The following ATXN7L3B variants were observed in gnomAD, a reference collection of about 807,000 sequenced individuals.
The protein encoded by ATXN7L3B is ataxin-7-like protein 3B.
A neutral mutation model predicts 6.3 loss-of-function variants in ATXN7L3B; 4 were observed. The ratio of observed to expected loss-of-function variants is 0.63; its 90% CI spans 0.31 to 1.45. The LOEUF is 1.45. ATXN7L3B is among the 40% of genes most tolerant of loss of function. The pLI, the probability that ATXN7L3B is intolerant of heterozygous loss-of-function variation, is 0.07. For synonymous variants in ATXN7L3B, 63 were observed against 48.0 expected, an observed-to-expected ratio of 1.31 and a Z score of -1.29; for missense variants, 120 against 118.5, an observed-to-expected ratio of 1.01 and a Z score of -0.06.
chr12:74,539,089 C>G lies in ATXN7L3B; in HGVS notation c.*683C>G, dbSNP rs995509786. 6.0e-6 allele frequency: 1 copy of G among 167,248 alleles called. No homozygotes were observed. The highest frequency in any genetic ancestry group is 2.4e-5 in the African/African-American group (1 of 41,442). The allele number at this position is 167,248 out of a possible 1,614,324, so 10.4% of individuals were successfully genotyped here. A position where few individuals can be genotyped will look rare whatever the true frequency, so the allele number is the denominator to read the frequency against. On this transcript the variant is annotated 3_prime_UTR_variant, in exon 1 of 1. Coordinates refer to ENST00000519948, the MANE Select transcript of ATXN7L3B (RefSeq NM_001136262.2). ...GGCCTAGCATTTGGCTGAGCAGAGCCCTCTTCCTTGCCCTCCAACCTGGTG... is the reference window on the plus strand; with the variant it reads ...GGCCTAGCATTTGGCTGAGCAGAGCGCTCTTCCTTGCCCTCCAACCTGGTG...
Position 74,538,005 on chromosome 12 carries a change from AGGACTG to A in ATXN7L3B, c.-105_-100del. ...CGGACGCCACCGACCCCGCCGCCGGAGGACTGGGCACTGAAAGGCCTCTAGGCCTAG... is the reference window on the plus strand; with the variant it reads ...CGGACGCCACCGACCCCGCCGCCGGAGGCACTGAAAGGCCTCTAGGCCTAG... On this transcript the variant is annotated 5_prime_UTR_variant, in exon 1 of 1. Transcript: ENST00000519948. The A allele has an allele frequency of 2.8e-6, 3 of 1,057,002 alleles. No homozygotes were observed. Among genetic ancestry groups the A allele is most frequent in the Non-Finnish European group, 2.7e-6 (2 of 740,172 alleles). The allele number at this position is 1,057,002 out of a possible 1,614,324, so 65.5% of individuals were successfully genotyped here. A position where few individuals can be genotyped will look rare whatever the true frequency, so the allele number is the denominator to read the frequency against.
rs1203351650 is a variant in ATXN7L3B at position 74,543,271 on chromosome 12, T to G, written c.*4865T>G. The stretch of plus-strand genomic sequence containing the variant: ...AGTTCAAAAAGCAAAAATTTACAAG[T>G]GGTGGAAGCAAAAGTAGAATGCTGC... On this transcript the variant is annotated 3_prime_UTR_variant, in exon 1 of 1. Coordinates refer to ENST00000519948, the MANE Select transcript of ATXN7L3B (RefSeq NM_001136262.2). 6.6e-6 allele frequency: 1 copy of G among 151,956 alleles called. No homozygotes were observed. The highest frequency in any genetic ancestry group is 1.5e-5 in the Non-Finnish European group (1 of 67,936). The allele number at this position is 151,956 out of a possible 1,614,324, so 9.4% of individuals were successfully genotyped here. A position where few individuals can be genotyped will look rare whatever the true frequency, so the allele number is the denominator to read the frequency against.
rs1026783756 is a variant in ATXN7L3B, at chr12:74,540,096, C to A, written c.*1690C>A. ...CTGTTTTTTTTTTTTCTTTCTTTTTCCCTTGTTTTTGTAGAAGACTCAGAG... is the reference window on the plus strand; with the variant it reads ...CTGTTTTTTTTTTTTCTTTCTTTTTACCTTGTTTTTGTAGAAGACTCAGAG... On this transcript the variant is annotated 3_prime_UTR_variant, in exon 1 of 1. Coordinates refer to ENST00000519948, the MANE Select transcript of ATXN7L3B (RefSeq NM_001136262.2). The A allele has an allele frequency of 6.2e-5, 10 of 161,460 alleles. No homozygotes were observed. The highest frequency in any genetic ancestry group is 1.2e-4 in the Non-Finnish European group (8 of 67,068). The allele number at this position is 161,460 out of a possible 1,614,324, so 10.0% of individuals were successfully genotyped here.
rs1358506291 is a variant in ATXN7L3B, at chr12:74,545,420, T to A, written c.*7014T>A. Reference sequence around the variant, plus strand: ...AATTGTGAATATGAAATAAAAACTATACCAAAAATATTGGATGAGACTTCC... The same window carrying A: ...AATTGTGAATATGAAATAAAAACTAAACCAAAAATATTGGATGAGACTTCC... On this transcript the variant is annotated 3_prime_UTR_variant, in exon 1 of 1. Coordinates refer to ENST00000519948, the MANE Select transcript of ATXN7L3B (RefSeq NM_001136262.2). The A allele has an allele frequency of 1.3e-5, 2 of 152,134 alleles. No individual in the cohort carries two copies. Among genetic ancestry groups the A allele is most frequent in the African/African-American group, 2.4e-5 (1 of 41,466 alleles). 9.4% of individuals were successfully genotyped at this position (152,134 alleles called of 1,614,324 possible). A position where few individuals can be genotyped will look rare whatever the true frequency, so the allele number is the denominator to read the frequency against.
chr12:74,544,360 G>A lies in ATXN7L3B; in HGVS notation c.*5954G>A, dbSNP rs531853951. On this transcript the variant is annotated 3_prime_UTR_variant, in exon 1 of 1. Coordinates refer to ENST00000519948, the MANE Select transcript of ATXN7L3B (RefSeq NM_001136262.2). ...AATCTGTATTACAATCCAAATAGAT[G>A]TGCTCATGGAACTTGACAAATTAAT... 1 of 152,040 alleles carries A rather than the reference G, an allele frequency of 6.6e-6. No individual in the cohort carries two copies. The highest frequency in any genetic ancestry group is 2.4e-5 in the African/African-American group (1 of 41,550). The allele number at this position is 152,040 out of a possible 1,614,324, so 9.4% of individuals were successfully genotyped here.
rs547529313 is a variant in ATXN7L3B, at chr12:74,543,284, A to C, written c.*4878A>C. ...AAAATTTACAAGTGGTGGAAGCAAA[A>C]GTAGAATGCTGCTGTTGTGACTCCT... On this transcript the variant is annotated 3_prime_UTR_variant, in exon 1 of 1. Coordinates refer to ENST00000519948, the MANE Select transcript of ATXN7L3B (RefSeq NM_001136262.2). 2.0e-4 allele frequency: 31 copies of C among 152,222 alleles called. No individual in the cohort carries two copies. The highest frequency in any genetic ancestry group is 7.5e-4 in the African/African-American group (31 of 41,562). The allele number at this position is 152,222 out of a possible 1,614,324, so 9.4% of individuals were successfully genotyped here.
Position 74,542,409 on chromosome 12 carries a change from T to C in ATXN7L3B, c.*4003T>C, listed in dbSNP as rs941896114. The stretch of plus-strand genomic sequence containing the variant: ...TTTCAAATACATCTGCAGCAAATAC[T>C]TTTGGTTCCTGTTTTGTAGGTTTGG... On this transcript the variant is annotated 3_prime_UTR_variant, in exon 1 of 1. Coordinates refer to ENST00000519948, the MANE Select transcript of ATXN7L3B (RefSeq NM_001136262.2). The C allele has an allele frequency of 6.6e-6, 1 of 152,188 alleles. No individual in the cohort carries two copies. The highest frequency in any genetic ancestry group is 2.4e-5 in the African/African-American group (1 of 41,462). The allele number at this position is 152,188 out of a possible 1,614,324, so 9.4% of individuals were successfully genotyped here. A position where few individuals can be genotyped will look rare whatever the true frequency, so the allele number is the denominator to read the frequency against.
In ATXN7L3B at chr12:74,538,252, A is replaced by G. The variant is rs775358181; in HGVS notation, c.140A>G (p.Tyr47Cys). Reference protein sequence around the residue: ...VHRAVKCGYFYLEFAETGSVK... With the variant: ...VHRAVKCGYFCLEFAETGSVK... Reference sequence around the variant, plus strand: ...CGGGCAGTCAAGTGTGGCTACTTCTACCTGGAGTTCGCAGAGACTGGTAGC... The same window carrying G: ...CGGGCAGTCAAGTGTGGCTACTTCTGCCTGGAGTTCGCAGAGACTGGTAGC... Residue 47 changes from tyrosine (Y) to cysteine (C), a missense_variant, in exon 1 of 1, where the codon TAC becomes TGC. Transcript: ENST00000519948. 9 of 1,593,928 alleles carry G rather than the reference A, an allele frequency of 5.6e-6. No individual in the cohort carries two copies. Among genetic ancestry groups the G allele is most frequent in the African/African-American group, 4.0e-5 (3 of 74,376 alleles).
rs75285156 is a variant in ATXN7L3B at position 74,540,582 on chromosome 12, A to G, written c.*2176A>G. The G allele has an allele frequency of 9.0e-6, 1 of 111,010 alleles. No individual in the cohort carries two copies. The highest frequency in any genetic ancestry group is 2.1e-5 in the Non-Finnish European group (1 of 47,460). 6.9% of individuals were successfully genotyped at this position (111,010 alleles called of 1,614,324 possible). A position where few individuals can be genotyped will look rare whatever the true frequency, so the allele number is the denominator to read the frequency against. On this transcript the variant is annotated 3_prime_UTR_variant, in exon 1 of 1. Transcript: ENST00000519948. Reference sequence around the variant, plus strand: ...TAGTCTTAAAGAATTGCATTAACTTAAAAAAAATCAAACCTTGGCAAGAGC... The same window carrying G: ...TAGTCTTAAAGAATTGCATTAACTTGAAAAAAATCAAACCTTGGCAAGAGC...
rs1434098252 is a variant in ATXN7L3B at position 74,538,696 on chromosome 12, G to A, written c.*290G>A. ...CAGGATGTGCGCAAGATCCTGTAGT[G>A]CCCCCAGTGCACAGGTGAGCAGTTG... On this transcript the variant is annotated 3_prime_UTR_variant, in exon 1 of 1. Transcript: ENST00000519948. 17 of 418,006 alleles carry A rather than the reference G, an allele frequency of 4.1e-5. No individual in the cohort carries two copies. Among genetic ancestry groups the A allele is most frequent in the Admixed American group, 8.3e-5 (2 of 24,234 alleles). The allele number at this position is 418,006 out of a possible 1,614,324, so 25.9% of individuals were successfully genotyped here.
In ATXN7L3B at chr12:74,542,804, G is replaced by A. The variant is rs1306991893; in HGVS notation, c.*4398G>A. The A allele has an allele frequency of 6.6e-6, 1 of 152,148 alleles. No individual in the cohort carries two copies. The highest frequency in any genetic ancestry group is 1.5e-5 in the Non-Finnish European group (1 of 67,996). The allele number at this position is 152,148 out of a possible 1,614,324, so 9.4% of individuals were successfully genotyped here. A position where few individuals can be genotyped will look rare whatever the true frequency, so the allele number is the denominator to read the frequency against. ...TAAGACCTATCTGAAGTGTTGTGAA[G>A]TTTTTCTTACAATTTTTTAAAAGAG... On this transcript the variant is annotated 3_prime_UTR_variant, in exon 1 of 1. Transcript: ENST00000519948.
rs1366339259 is a variant in ATXN7L3B at position 74,538,086 on chromosome 12, C to T, written c.-27C>T. The T allele has an allele frequency of 1.9e-6, 3 of 1,545,182 alleles. No individual in the cohort carries two copies. The highest frequency in any genetic ancestry group is 2.6e-6 in the Non-Finnish European group (3 of 1,142,150). On this transcript the variant is annotated 5_prime_UTR_variant, in exon 1 of 1. Coordinates refer to ENST00000519948, the MANE Select transcript of ATXN7L3B (RefSeq NM_001136262.2). ...TTGCTGCCGTGAGTAAAACGAGCGCCCTCTCCGCACTCGTTTACAAATTAA... is the reference window on the plus strand; with the variant it reads ...TTGCTGCCGTGAGTAAAACGAGCGCTCTCTCCGCACTCGTTTACAAATTAA...
At position 74,538,391 on chromosome 12, in the gene ATXN7L3B, T is replaced by G; in HGVS notation, c.279T>G (p.Pro93=). 1.3e-6 allele frequency: 2 copies of G among 1,550,902 alleles called. No homozygotes were observed. The highest frequency in any genetic ancestry group is 1.2e-5 in the South Asian group (1 of 84,032). Reference sequence around the variant, plus strand: ...CTGATCAGCAGCTGCAGCGCTCACCTCCGGAATTCCAGTAGCTGCAAAATG... The same window carrying G: ...CTGATCAGCAGCTGCAGCGCTCACCGCCGGAATTCCAGTAGCTGCAAAATG... ...NGPDQQLQRS[P]PEFQ Residue 93 remains proline (P), a synonymous_variant, in exon 1 of 1, where the codon CCT becomes CCG. Coordinates refer to ENST00000519948, the MANE Select transcript of ATXN7L3B (RefSeq NM_001136262.2).
chr12:74,538,137 C>G lies in ATXN7L3B; in HGVS notation c.25C>G (p.Leu9Val), dbSNP rs757635962. 3.8e-6 allele frequency: 6 copies of G among 1,565,458 alleles called. No individual in the cohort carries two copies. The highest frequency in any genetic ancestry group is 5.2e-6 in the Non-Finnish European group (6 of 1,155,180). MEEISLAN[L>V]DTNKLEAIAQ... ...AATGGAGGAAATTTCGTTGGCCAAC[C>G]TGGATACTAACAAGCTAGAGGCCAT... The change falls in exon 1 of 1, where the codon CTG becomes GTG. Residue 9 changes from leucine (L) to valine (V), a missense_variant. By Grantham distance (32) the Leu-to-Val change is conservative. Transcript: ENST00000519948.
At position 74,542,344 on chromosome 12, in the gene ATXN7L3B, T is replaced by A. The variant is rs1268891227; in HGVS notation, c.*3938T>A. ...TTGCCTTAAGTAAGATTTCTACTAC[T>A]TTTATTAAAATTCACTGTAGGGATC... On this transcript the variant is annotated 3_prime_UTR_variant, in exon 1 of 1. Coordinates refer to ENST00000519948, the MANE Select transcript of ATXN7L3B (RefSeq NM_001136262.2). 2 of 152,202 alleles carry A rather than the reference T, an allele frequency of 1.3e-5. No homozygotes were observed. The highest frequency in any genetic ancestry group is 4.8e-5 in the African/African-American group (2 of 41,450). 9.4% of individuals were successfully genotyped at this position (152,202 alleles called of 1,614,324 possible).
Position 74,539,438 on chromosome 12 carries a change from G to GGGCACTTTCAGCT in ATXN7L3B, c.*1034_*1046dup, listed in dbSNP as rs1868823301. ...CTGTGGTTTGAAAACTGAGCCCAGAGGGCACTTTCAGCTGCCCTCAATAAT... is the reference window on the plus strand; with the variant it reads ...CTGTGGTTTGAAAACTGAGCCCAGAGGGCACTTTCAGCTGGCACTTTCAGCTGCCCTCAATAAT... On this transcript the variant is annotated 3_prime_UTR_variant, in exon 1 of 1. Coordinates refer to ENST00000519948, the MANE Select transcript of ATXN7L3B (RefSeq NM_001136262.2). The GGGCACTTTCAGCT allele has an allele frequency of 1.2e-5, 2 of 167,290 alleles. No homozygotes were observed. Among genetic ancestry groups the GGGCACTTTCAGCT allele is most frequent in the Admixed American group, 1.3e-4 (2 of 15,276 alleles). 10.4% of individuals were successfully genotyped at this position (167,290 alleles called of 1,614,324 possible).
In ATXN7L3B at chr12:74,541,255, CATT is replaced by C. The variant is rs1320825964; in HGVS notation, c.*2852_*2854del. On this transcript the variant is annotated 3_prime_UTR_variant, in exon 1 of 1. Coordinates refer to ENST00000519948, the MANE Select transcript of ATXN7L3B (RefSeq NM_001136262.2). ...CGCATGCCCAGGGACCACTGCCTGG[CATT>C]ATCGCATGCTGGGATCATCGGGGGA... 1 of 166,964 alleles carries C rather than the reference CATT, an allele frequency of 6.0e-6. No homozygotes were observed. The highest frequency in any genetic ancestry group is 1.5e-5 in the Non-Finnish European group (1 of 68,130). The allele number at this position is 166,964 out of a possible 1,614,324, so 10.3% of individuals were successfully genotyped here.
Position 74,541,491 on chromosome 12 carries a change from G to C in ATXN7L3B, c.*3085G>C, listed in dbSNP as rs149620078. 4.9e-5 allele frequency: 8 copies of C among 163,786 alleles called. No homozygotes were observed. The East Asian group carries it at 1.5e-3, about 32-fold the overall frequency. The allele number at this position is 163,786 out of a possible 1,614,324, so 10.1% of individuals were successfully genotyped here. On this transcript the variant is annotated 3_prime_UTR_variant, in exon 1 of 1. Coordinates refer to ENST00000519948, the MANE Select transcript of ATXN7L3B (RefSeq NM_001136262.2). ...GGACTCTGTATATTCATCTTTTAAA[G>C]CTGTATGTTTTCAGGCATTGACATA... is the stretch of plus-strand genomic sequence containing the variant.
In ATXN7L3B at chr12:74,538,365, C is replaced by T. The variant is rs1592595300; in HGVS notation, c.253C>T (p.Pro85Ser). 1 of 1,551,814 alleles carries T rather than the reference C, an allele frequency of 6.4e-7. No individual in the cohort carries two copies. The highest frequency in any genetic ancestry group is 8.7e-7 in the Non-Finnish European group (1 of 1,147,018). The change falls in exon 1 of 1, where the codon CCT (proline) becomes TCT (serine). Residue 85 changes from proline (P) to serine (S), a missense_variant. Transcript: ENST00000519948. ...CCTTCCCGGAGAACCTGGGAATGGG[C>T]CTGATCAGCAGCTGCAGCGCTCACC... is the stretch of plus-strand genomic sequence containing the variant. Reference protein sequence around the residue: ...CSLPGEPGNGPDQQLQRSPPE... With the variant: ...CSLPGEPGNGSDQQLQRSPPE...
Sources: gnomAD v4.1 joint callset for allele counts on GRCh38, gnomAD v4.1.1 for gene constraint, MANE v1.5 for transcripts, NCBI Gene and HGNC (gene_info 2026-07-23, HGNC 2026-07-21) for gene names.